Variants in RBFOX1 observed in about 807,000 individuals in gnomAD.
RBFOX1 encodes RNA binding protein fox-1 homolog 1.
A neutral mutation model predicts 57.7 loss-of-function variants in RBFOX1; 8 were observed. That is an observed-to-expected ratio of 0.14 (90% CI 0.08 to 0.25). The LOEUF (loss-of-function observed/expected upper bound fraction) is 0.25, where lower values mean the gene tolerates loss of function less well. Ranked by LOEUF, RBFOX1 falls within the 10% of genes least tolerant of loss-of-function variation. RBFOX1 has a pLI of 1.00. For missense variants in RBFOX1, 611 were observed against 548.5 expected (o/e 1.11, Z -1.14); for synonymous variants, 326 against 222.4 (o/e 1.47, Z -4.15).
chr16:7,240,542 GT>G (rs1567851280), intron 4 of RBFOX1, among the ~76,000 whole-genome samples: 1 of 151,784 alleles, frequency 6.6e-6, no homozygotes, highest in African/African-American at 2.4e-5. Context: ...GGTGTTTTTT[GT>G]TTGTTTGTTT....
At chr16:6,269,426 A>G (rs2074941601) in intron 1 of RBFOX1, among the ~76,000 whole-genome samples, 1 of 152,228 alleles carries the variant, frequency 6.6e-6, no homozygotes, top group Admixed American at 6.5e-5. Context: ...GGAAATCCAC[A>G]CCAAGTCACA....
chr16:6,388,717 A>G (rs1327366561), intron 2 of RBFOX1, among the ~76,000 whole-genome samples: 1 of 152,144 alleles, frequency 6.6e-6, no homozygotes, highest in African/African-American at 2.4e-5. Context: ...TCTAGCTTGG[A>G]TGACAGAGCG....
At chr16:6,371,128 T>C (rs13332483) in intron 2 of RBFOX1, among the ~76,000 whole-genome samples, 6,215 of 152,258 alleles carry the variant, frequency 0.041, 412 homozygotes, top group African/African-American at 0.14. Flanking sequence ...TCATATGATG[T>C]CTCTCAGATA....
intron 2 of RBFOX1, among the ~76,000 whole-genome samples, chr16:6,333,235 G>C (rs900106132): frequency 6.6e-6 from 1 of 152,094 alleles, no homozygotes; most frequent in Non-Finnish European, 1.5e-5. Context: ...CATAGTGACA[G>C]GGTTTTGCCA....
At chr16:7,165,828 C>G (rs953834275) in intron 4 of RBFOX1, among the ~76,000 whole-genome samples, 3 of 151,848 alleles carry the variant, frequency 2.0e-5, no homozygotes. Flanking sequence ...TTCTGCTAGA[C>G]CAGGAATGAA....
intron 5 of RBFOX1, among the ~76,000 whole-genome samples, chr16:7,564,533 T>C (rs865866971): frequency 1.7e-4 from 15 of 86,956 alleles, no homozygotes; most frequent in African/African-American, 8.3e-4. Context: ...AGAGCAAGAC[T>C]CCATCTCAAA....
In RBFOX1 at chr16:7,044,912, C is replaced by T. The variant is rs538799003; in HGVS notation, c.-15-7145C>T. 4.9e-4 allele frequency among the ~76,000 whole-genome samples: 74 copies of T among 152,234 alleles called. 1 individual carries two copies. Among genetic ancestry groups the T allele is most frequent in the African/African-American group, 1.7e-3 (69 of 41,546 alleles). ...GGTTATGGAGAAAATTTTTTAAGAG[C>T]CTCATTAGTTGCAGCAATAACTTAC... is the stretch of plus-strand genomic sequence containing the variant. On this transcript the variant is annotated intron_variant, in intron 3 of 15. Coordinates refer to ENST00000550418, the MANE Select transcript of RBFOX1 (RefSeq NM_018723.4).
intron 3 of RBFOX1, among the ~76,000 whole-genome samples, chr16:5,619,169 C>T (rs1403662451): frequency 2.0e-5 from 3 of 152,182 alleles, no homozygotes; most frequent in African/African-American, 7.2e-5. Context: ...GAGGCCTCAG[C>T]TCTAAGGCTA....
At chr16:7,601,624 A>T (rs1288608637) in intron 9 of RBFOX1, among the ~76,000 whole-genome samples, 1 of 152,120 alleles carries the variant, frequency 6.6e-6, no homozygotes, top group Non-Finnish European at 1.5e-5. Flanking sequence ...AGGAAAAATC[A>T]ACACCACCAC....
At chr16:6,362,278 C>G (rs1392162343) in intron 2 of RBFOX1, among the ~76,000 whole-genome samples, 5 of 152,066 alleles carry the variant, frequency 3.3e-5, no homozygotes, top group African/African-American at 7.3e-5. Context: ...CGTCCTTCCT[C>G]TAAGTACTCT....
chr16:6,562,782 T>G (rs2097195354), intron 2 of RBFOX1, among the ~76,000 whole-genome samples: 1 of 152,080 alleles, frequency 6.6e-6, no homozygotes, highest in Non-Finnish European at 1.5e-5. Context: ...TTGAGAAAGC[T>G]GCTATATTTT....
intron 4 of RBFOX1, among the ~76,000 whole-genome samples, chr16:7,088,679 A>G (rs927539925): frequency 6.6e-6 from 1 of 152,200 alleles, no homozygotes; most frequent in African/African-American, 2.4e-5. Flanking sequence ...ATTACTTATT[A>G]TGTTTTGGGA....
intron 4 of RBFOX1, among the ~76,000 whole-genome samples, chr16:7,216,368 C>T (rs1169579636): frequency 3.3e-5 from 5 of 152,050 alleles, no homozygotes; most frequent in African/African-American, 1.2e-4. Context: ...ATGGCATCTA[C>T]CCTAGACCGG....
chr16:5,992,914 G>T (rs1231675810), intron 4 of RBFOX1, among the ~76,000 whole-genome samples: 2 of 152,172 alleles, frequency 1.3e-5, no homozygotes, highest in African/African-American at 2.4e-5. Context: ...TCCAGCCTGG[G>T]TGTCAGAGTA....
chr16:6,049,313 C>G (rs1266640636), intron 1 of RBFOX1, among the ~76,000 whole-genome samples: 1 of 122,394 alleles, frequency 8.2e-6, no homozygotes, highest in East Asian at 2.3e-4. Context: ...ATCCACCCAC[C>G]TCAGTCTCCT....
intron 1 of RBFOX1, among the ~76,000 whole-genome samples, chr16:6,166,821 T>C (rs571687522): frequency 6.6e-5 from 10 of 152,292 alleles, no homozygotes; most frequent in African/African-American, 2.4e-4. Context: ...TTGCCCAGGA[T>C]GGAGTGCAGT....
intron 4 of RBFOX1, among the ~76,000 whole-genome samples, chr16:7,072,411 T>TA (rs138573638): frequency 0.012 from 1,890 of 152,338 alleles, 42 homozygotes; most frequent in African/African-American, 0.043. Flanking sequence ...CCTGTCTTCT[T>TA]ACTCCCTTTA....
chr16:7,144,906 C>G (rs1174877459), intron 4 of RBFOX1, among the ~76,000 whole-genome samples: 4 of 152,054 alleles, frequency 2.6e-5, no homozygotes, highest in Non-Finnish European at 5.9e-5. Context: ...AGCCCAGTGT[C>G]TCTGATGTGA....
intron 1 of RBFOX1, among the ~76,000 whole-genome samples, chr16:6,054,570 A>T (rs1193353595): frequency 6.6e-6 from 1 of 152,154 alleles, no homozygotes; most frequent in African/African-American, 2.4e-5. Context: ...TGACACCCTG[A>T]CCATGATTCA....
Sources: allele counts gnomAD v4.1 joint callset (sites outside exome capture counted in the v4.1 genomes callset), GRCh38; gene constraint gnomAD v4.1.1; transcripts MANE v1.5; gene names NCBI Gene and HGNC (gene_info 2026-07-23, HGNC 2026-07-21).